AGBL1: variants seen among roughly 807,000 people sequenced by gnomAD.
The protein encoded by AGBL1 is cytosolic carboxypeptidase 4.
A neutral mutation model predicts 118.9 loss-of-function variants in AGBL1; 130 were observed. That is an observed-to-expected ratio of 1.09 (90% CI 0.95 to 1.26). AGBL1 has a LOEUF of 1.26. Ranked by LOEUF, AGBL1 falls within the 50% of genes most tolerant of loss-of-function variation. The probability of loss-of-function intolerance (pLI) is 0.00; values close to 1 mark genes in which losing one functional copy is unlikely to be tolerated. For missense variants in AGBL1, 1,584 were observed against 1,298.1 expected (o/e 1.22, Z -3.38); for synonymous variants, 555 against 478.9 (o/e 1.16, Z -2.08).
At chr15:86,835,183 A>G (rs2079154177) in intron 22 of AGBL1, among the ~76,000 whole-genome samples, 1 of 152,082 alleles carries the variant, frequency 6.6e-6, no homozygotes, top group African/African-American at 2.4e-5. Flanking sequence ...TCCCCATTTT[A>G]TAGATGAGAA....
At chr15:86,994,403 G>A (rs1238910297) in intron 24 of AGBL1, among the ~76,000 whole-genome samples, 1 of 152,004 alleles carries the variant, frequency 6.6e-6, no homozygotes, top group Non-Finnish European at 1.5e-5. Context: ...AGTGTTAGAC[G>A]CCAACTGGGT....
intron 17 of AGBL1, chr15:86,299,815 T>C (rs1243653916): frequency 6.6e-6 from 1 of 152,128 alleles, no homozygotes; most frequent in Non-Finnish European, 1.5e-5. Context: ...ATGGGATATG[T>C]CGGTGGGTGG....
intron 18 of AGBL1, among the ~76,000 whole-genome samples, chr15:86,498,780 A>G (rs925838902): frequency 6.6e-6 from 1 of 151,946 alleles, no homozygotes; most frequent in Non-Finnish European, 1.5e-5. Flanking sequence ...GACATTTTAT[A>G]TAAAACTATG....
chr15:86,508,367 G>A (rs771971976), intron 18 of AGBL1, among the ~76,000 whole-genome samples: 5 of 152,092 alleles, frequency 3.3e-5, no homozygotes, highest in Non-Finnish European at 5.9e-5. Context: ...TTAAGAGAGA[G>A]AGGGGAAAAA....
intron 24 of AGBL1, among the ~76,000 whole-genome samples, chr15:87,003,031 A>G (rs1170521997): frequency 6.6e-6 from 1 of 152,176 alleles, no homozygotes; most frequent in Non-Finnish European, 1.5e-5. Flanking sequence ...AGGAGTGATA[A>G]GAGAGGGCAT....
intron 23 of AGBL1, among the ~76,000 whole-genome samples, chr15:86,957,039 CATT>C (rs2080938406): frequency 6.6e-6 from 1 of 151,888 alleles, no homozygotes; most frequent in Non-Finnish European, 1.5e-5. Context: ...TGACATGAAA[CATT>C]AGAGGTGTTA....
intron 18 of AGBL1, among the ~76,000 whole-genome samples, chr15:86,424,830 C>T (rs147092419): frequency 0.11 from 16,963 of 152,184 alleles, 1,043 homozygotes; most frequent in Admixed American, 0.16. Context: ...CAAATCAAAA[C>T]CACAATGAGA....
At chr15:86,890,752 C>T (rs563335017) in intron 22 of AGBL1, among the ~76,000 whole-genome samples, 1 of 152,232 alleles carries the variant, frequency 6.6e-6, no homozygotes, top group Non-Finnish European at 1.5e-5. Flanking sequence ...GTCTATGTGT[C>T]TGTTTTGGTA....
chr15:86,717,308 A>G lies in AGBL1; in HGVS notation c.3158+42872A>G, dbSNP rs184472914. 2.4e-4 allele frequency among the ~76,000 whole-genome samples: 36 copies of G among 152,276 alleles called. No homozygotes were observed. In the East Asian group the frequency reaches 6.6e-3, roughly 28 times the overall value. ...AAATAAAATTCATATATCAGGGGCA[A>G]AAGCAATGGGCTAATATGGTCAGTG... On this transcript the variant is annotated intron_variant, in intron 22 of 22. Transcript: ENST00000614907.
At chr15:86,896,259 T>C (rs2080124437) in intron 22 of AGBL1, among the ~76,000 whole-genome samples, 1 of 152,184 alleles carries the variant, frequency 6.6e-6, no homozygotes, top group Non-Finnish European at 1.5e-5. Flanking sequence ...GTGTCTGCTT[T>C]TGCTGCTTTT....
intron 6 of AGBL1, among the ~76,000 whole-genome samples, chr15:86,242,248 C>A (rs112591913): frequency 1.3e-5 from 2 of 151,774 alleles, no homozygotes; most frequent in East Asian, 1.9e-4. Context: ...TACATTTGTC[C>A]GTAGCAATAG....
chr15:86,740,317 C>G (rs2077659205), intron 22 of AGBL1, among the ~76,000 whole-genome samples: 1 of 152,202 alleles, frequency 6.6e-6, no homozygotes, highest in African/African-American at 2.4e-5. Context: ...ATTAACTGCT[C>G]TGAACCTCTG....
chr15:87,007,976 G>GA (rs1284124909), intron 24 of AGBL1, among the ~76,000 whole-genome samples: 1 of 152,218 alleles, frequency 6.6e-6, no homozygotes, highest in Non-Finnish European at 1.5e-5. Context: ...TCATAAAGAA[G>GA]AAAATTTGGA....
At position 86,949,952 on chromosome 15, in the gene AGBL1, G is replaced by C. The variant is rs994201272; in HGVS notation, c.3222-38035G>C. On this transcript the variant is annotated intron_variant, in intron 23 of 24. Coordinates refer to the AGBL1 transcript ENST00000441037. ...TAAGGAATGATTGTATGTAGAGTAC[G>C]TTCTCTGATTACAGTGGAATCAAGC... 5.3e-5 allele frequency among the ~76,000 whole-genome samples: 8 copies of C among 152,100 alleles called. No homozygotes were observed. In the East Asian group the frequency reaches 1.5e-3, roughly 29 times the overall value.
At chr15:86,344,004 A>G (rs1288118978) in intron 17 of AGBL1, among the ~76,000 whole-genome samples, 1 of 152,196 alleles carries the variant, frequency 6.6e-6, no homozygotes, top group Non-Finnish European at 1.5e-5. Context: ...ACAAGGTAGC[A>G]TATTTTTGTT....
chr15:86,519,628 G>A (rs2083162132), intron 18 of AGBL1, among the ~76,000 whole-genome samples: 1 of 152,086 alleles, frequency 6.6e-6, no homozygotes, highest in Admixed American at 6.6e-5. Flanking sequence ...ATAGATACAG[G>A]GACTGCCAAA....
At chr15:86,267,508 C>A (rs543044815) in intron 13 of AGBL1, among the ~76,000 whole-genome samples, 2 of 152,272 alleles carry the variant, frequency 1.3e-5, no homozygotes, top group African/African-American at 4.8e-5. Flanking sequence ...CTGTTGCTCT[C>A]ATTCCTGTGT....
At chr15:86,943,552 TCA>T (rs2080780246) in intron 23 of AGBL1, among the ~76,000 whole-genome samples, 2 of 152,152 alleles carry the variant, frequency 1.3e-5, no homozygotes, top group African/African-American at 2.4e-5. Context: ...GGTGCGCCAT[TCA>T]CACAGTGTGT....
intron 17 of AGBL1, among the ~76,000 whole-genome samples, chr15:86,387,009 A>G (rs1421504376): frequency 6.6e-6 from 1 of 152,206 alleles, no homozygotes; most frequent in East Asian, 1.9e-4. Flanking sequence ...CTCAGCAAAT[A>G]TTTTCTGAAT....
Sources: allele counts gnomAD v4.1 joint callset (sites outside exome capture counted in the v4.1 genomes callset), GRCh38; gene constraint gnomAD v4.1.1; transcripts MANE v1.5; gene names NCBI Gene and HGNC (gene_info 2026-07-23, HGNC 2026-07-21).